Variants in IMMT observed in about 807,000 individuals in gnomAD.
The protein encoded by IMMT is MICOS complex subunit MIC60.
In IMMT, 40 loss-of-function variants were observed where a neutral mutation model predicts 92.7. That is an observed-to-expected ratio of 0.43 (90% CI 0.34 to 0.56). IMMT has a LOEUF of 0.56. Among genes scored for constraint, IMMT ranks in the 20% least tolerant of loss-of-function variants. IMMT has a pLI of 0.03. For missense variants in IMMT, 831 were observed against 912.1 expected (o/e 0.91, Z 1.14); for synonymous variants, 322 against 336.1 (o/e 0.96, Z 0.46).
intron 1 of IMMT, among the ~76,000 whole-genome samples, chr2:86,187,884 C>G (rs571437242): frequency 1.3e-3 from 203 of 151,174 alleles, no homozygotes; most frequent in African/African-American, 4.6e-3. Flanking sequence ...TGCACTCCAG[C>G]CTGGGCAACA....
At chr2:86,192,474 T>C (rs1275089217) in intron 1 of IMMT, among the ~76,000 whole-genome samples, 2 of 152,156 alleles carry the variant, frequency 1.3e-5, no homozygotes, top group African/African-American at 4.8e-5. Context: ...AAAAAATTCA[T>C]GAACACATTC....
intron 9 of IMMT, chr2:86,159,174 C>A: frequency 3.1e-6 from 1 of 319,004 alleles, no homozygotes. Flanking sequence ...CAGCCTCAAC[C>A]TCCCAGGCCC....
chr2:86,174,045 C>T (rs184557216), intron 3 of IMMT, among the ~76,000 whole-genome samples: 1 of 152,320 alleles, frequency 6.6e-6, no homozygotes, highest in African/African-American at 2.4e-5. Context: ...TCTCATTAAA[C>T]ACCATTGCTT....
chr2:86,156,653 A>G (rs940943081), intron 10 of IMMT, among the ~76,000 whole-genome samples: 1 of 152,136 alleles, frequency 6.6e-6, no homozygotes, highest in African/African-American at 2.4e-5. Flanking sequence ...AAAAAAAGCA[A>G]AAGTTAAAAA....
At chr2:86,171,854 A>G (rs906250544) in intron 4 of IMMT, among the ~76,000 whole-genome samples, 1 of 118,756 alleles carries the variant, frequency 8.4e-6, no homozygotes, top group African/African-American at 3.0e-5. Flanking sequence ...ATACATATAT[A>G]TATATATATT....
intron 1 of IMMT, among the ~76,000 whole-genome samples, chr2:86,189,041 C>T (rs1266237483): frequency 1.3e-5 from 2 of 152,070 alleles, no homozygotes; most frequent in East Asian, 3.9e-4. Flanking sequence ...AACTAAATAT[C>T]CTACATTAAC....
intron 6 of IMMT, 33 bp downstream of exon 6, chr2:86,170,716 C>T (rs1337446060): frequency 4.1e-5 from 59 of 1,450,066 alleles, no homozygotes; most frequent in Non-Finnish European, 5.3e-5. Context: ...GGAGATGACC[C>T]AAAATCCTTA....
At chr2:86,155,138 T>C (rs892027000) in intron 10 of IMMT, among the ~76,000 whole-genome samples, 2 of 152,112 alleles carry the variant, frequency 1.3e-5, no homozygotes, top group African/African-American at 2.4e-5. Flanking sequence ...GCTAGGATTA[T>C]AGGCATAAGC....
At chr2:86,156,876 T>C (rs975311542) in intron 10 of IMMT, among the ~76,000 whole-genome samples, 1 of 152,078 alleles carries the variant, frequency 6.6e-6, no homozygotes, top group Non-Finnish European at 1.5e-5. Flanking sequence ...ATATATCTAA[T>C]GCAAAGAGAC....
intron 2 of IMMT, among the ~76,000 whole-genome samples, chr2:86,180,880 C>CTT (rs2105423933): frequency 6.6e-6 from 1 of 151,734 alleles, no homozygotes; most frequent in Non-Finnish European, 1.5e-5. Context: ...GAGCGAGACT[C>CTT]TGTCTTTAAA....
chr2:86,167,699 G>A (rs964623596), intron 6 of IMMT, among the ~76,000 whole-genome samples: 1 of 150,676 alleles, frequency 6.6e-6, no homozygotes, highest in Admixed American at 6.6e-5. Context: ...AGCCAGGATG[G>A]TCTCGATCTC....
chr2:86,153,532 T>C (rs1675636005), intron 11 of IMMT, 28 bp downstream of exon 11: 3 of 1,377,142 alleles, frequency 2.2e-6, no homozygotes, highest in Non-Finnish European at 2.9e-6. Context: ...ACAAAAGACT[T>C]TAAACATGAA....
At chr2:86,175,448 A>G (rs745521822) in intron 3 of IMMT, among the ~76,000 whole-genome samples, 1 of 152,112 alleles carries the variant, frequency 6.6e-6, no homozygotes, top group Non-Finnish European at 1.5e-5. Context: ...ATCTTAATAT[A>G]TATTTGGTAC....
chr2:86,178,046 T>A (rs1285108852), intron 3 of IMMT, among the ~76,000 whole-genome samples: 1 of 152,154 alleles, frequency 6.6e-6, no homozygotes, highest in Non-Finnish European at 1.5e-5. Flanking sequence ...CCAGGAGCGG[T>A]GGCTCAAGCC....
At chr2:86,161,680 A>G (rs1676288973) in intron 8 of IMMT, among the ~76,000 whole-genome samples, 1 of 149,492 alleles carries the variant, frequency 6.7e-6, no homozygotes, top group African/African-American at 2.5e-5. Context: ...CGCCCAGCTA[A>G]TTTTTTTGCA....
intron 2 of IMMT, 95 bp from the exon 3 acceptor site, chr2:86,179,717 C>CT: frequency 2.2e-6 from 2 of 897,650 alleles, no homozygotes; most frequent in Non-Finnish European, 3.2e-6. Context: ...CCTCTAGCCT[C>CT]TACTTATCTA....
chr2:86,179,377 A>G, intron 3 of IMMT, 56 bp downstream of exon 3: 1 of 1,384,646 alleles, frequency 7.2e-7, no homozygotes, highest in Non-Finnish European at 9.7e-7. Context: ...ACATGAAAAC[A>G]ACTTGCTTTT....
At chr2:86,157,466 T>G (rs1675929665) in intron 10 of IMMT, among the ~76,000 whole-genome samples, 1 of 152,144 alleles carries the variant, frequency 6.6e-6, no homozygotes, top group African/African-American at 2.4e-5. Context: ...ATGAGAAGTC[T>G]GCTTTCTAAC....
chr2:86,165,947 G>A (rs929220858), intron 7 of IMMT, among the ~76,000 whole-genome samples: 4 of 152,162 alleles, frequency 2.6e-5, no homozygotes, highest in Admixed American at 6.5e-5. Context: ...TAATTCTTGC[G>A]CTGCATCGGT....
Sources: gnomAD v4.1 joint callset for allele counts (sites outside exome capture counted in the v4.1 genomes callset) on GRCh38, gnomAD v4.1.1 for gene constraint, MANE v1.5 for transcripts, NCBI Gene and HGNC (gene_info 2026-07-23, HGNC 2026-07-21) for gene names.